Variants in STON2 observed in about 807,000 individuals in gnomAD.
STON2 encodes the protein stonin-2.
In STON2, 29 loss-of-function variants were observed where a neutral mutation model predicts 65.7. That is an observed-to-expected ratio of 0.44 (90% confidence interval 0.33 to 0.60). The LOEUF (loss-of-function observed/expected upper bound fraction) is 0.60. STON2 is among the 20% of genes least tolerant of loss of function. The pLI, the probability that STON2 is intolerant of heterozygous loss-of-function variation, is 0.03. For missense variants in STON2, 1,054 were observed against 1,118.1 expected (o/e 0.94, Z 0.82); for synonymous variants, 404 against 414.2 (o/e 0.98, Z 0.30).
chr14:81,379,971 C>T (rs1442326324), intron 3 of STON2, among the ~76,000 whole-genome samples: 1 of 152,146 alleles, frequency 6.6e-6, no homozygotes, highest in African/African-American at 2.4e-5. Context: ...AAAGCAATTT[C>T]AGTAAAAACA....
In STON2 at chr14:81,318,638, G is replaced by A. The variant is rs1416964539; in HGVS notation, c.742+5379C>T. 2.6e-5 allele frequency among the ~76,000 whole-genome samples: 4 copies of A among 152,194 alleles called. No homozygotes were observed. The East Asian group carries it at 7.7e-4, about 29-fold the overall frequency. On this transcript the variant is annotated intron_variant, in intron 5 of 7. Transcript: ENST00000614646. The stretch of plus-strand genomic sequence containing the variant: ...GGCTGAGGCGGGCAGATCACTTGAG[G>A]TCAGGAGTTTGAGACCAGCCTGGTC...
chr14:81,273,073 T>G (rs1037596110), intron 6 of STON2, among the ~76,000 whole-genome samples: 1 of 152,254 alleles, frequency 6.6e-6, no homozygotes. Flanking sequence ...CTTGGACAAC[T>G]CTTTTAATCT....
chr14:81,333,915 G>C (rs551256388), intron 4 of STON2, among the ~76,000 whole-genome samples: 40 of 152,296 alleles, frequency 2.6e-4, no homozygotes, highest in African/African-American at 8.9e-4. Flanking sequence ...ATTTACATTT[G>C]TACACCTGTT....
chr14:81,433,255 G>C (rs1206490116), intron 1 of STON2, among the ~76,000 whole-genome samples: 3 of 152,248 alleles, frequency 2.0e-5, no homozygotes, highest in African/African-American at 4.8e-5. Flanking sequence ...TCATGTAACA[G>C]ATGGTGAGAG....
chr14:81,268,163 A>G lies in STON2; in HGVS notation c.*251T>C, dbSNP rs1894428902. On this transcript the variant is annotated 3_prime_UTR_variant, in exon 8 of 8. Coordinates refer to ENST00000614646, the MANE Select transcript of STON2 (RefSeq NM_001394390.1). ...GAGGCTTAATTATACAGTAAGCTCCAACAGTCAGGTGAACCTCGTGCTTTA... is the reference window on the plus strand; with the variant it reads ...GAGGCTTAATTATACAGTAAGCTCCGACAGTCAGGTGAACCTCGTGCTTTA... The G allele has an allele frequency of 1.3e-5, 15 of 1,111,520 alleles. No individual in the cohort carries two copies. The highest frequency in any genetic ancestry group is 1.5e-5 in the Non-Finnish European group (14 of 903,776). 68.9% of individuals were successfully genotyped at this position (1,111,520 alleles called of 1,614,324 possible).
intron 2 of STON2, among the ~76,000 whole-genome samples, chr14:81,417,054 T>C (rs981810070): frequency 7.2e-5 from 11 of 152,188 alleles, no homozygotes; most frequent in African/African-American, 2.7e-4. Context: ...CCTTCCTCTT[T>C]TGTAAAAATC....
In STON2 at chr14:81,277,121, G is replaced by A; in HGVS notation, c.2361C>T (p.Ile787=). ...CCCACTCACTGGGCACAGGGTAACGGATCATCACATTCTCACAGGGAACCT... is the reference window on the plus strand; with the variant it reads ...CCCACTCACTGGGCACAGGGTAACGAATCATCACATTCTCACAGGGAACCT... ...LTQVPCENVM[I]RYPVPSEWVK... is the part of the protein sequence containing the mutation. The change falls in exon 6 of 8, where the codon ATC becomes ATT. Residue 787 remains isoleucine (I), a synonymous_variant. Coordinates refer to ENST00000614646, the MANE Select transcript of STON2 (RefSeq NM_001394390.1). The A allele has an allele frequency of 6.2e-7, 1 of 1,614,192 alleles. No individual in the cohort carries two copies. The highest frequency in any genetic ancestry group is 8.5e-7 in the Non-Finnish European group (1 of 1,180,046).
chr14:81,383,983 C>A (rs753176445), intron 3 of STON2, among the ~76,000 whole-genome samples: 1 of 152,162 alleles, frequency 6.6e-6, no homozygotes, highest in South Asian at 2.1e-4. Context: ...CACTCTACTC[C>A]GGTCACACAC....
At chr14:81,273,159 T>G (rs1894666367) in intron 6 of STON2, among the ~76,000 whole-genome samples, 1 of 152,222 alleles carries the variant, frequency 6.6e-6, no homozygotes, top group Non-Finnish European at 1.5e-5. Context: ...CTCCTTTTAC[T>G]CCACCAAAGT....
chr14:81,347,902 CAA>C (rs755109204), intron 4 of STON2, among the ~76,000 whole-genome samples: 12 of 51,562 alleles, frequency 2.3e-4, no homozygotes, highest in South Asian at 9.7e-4. Context: ...TGTCTCTTAC[CAA>C]AAAAAAAAAA....
At chr14:81,435,071 G>A (rs1227887523) in intron 1 of STON2, among the ~76,000 whole-genome samples, 1 of 152,120 alleles carries the variant, frequency 6.6e-6, no homozygotes, top group Non-Finnish European at 1.5e-5. Flanking sequence ...ACTGAAAGGT[G>A]AACACTTAAC....
intron 4 of STON2, among the ~76,000 whole-genome samples, chr14:81,364,774 G>A (rs1027583795): frequency 6.6e-6 from 1 of 152,118 alleles, no homozygotes; most frequent in African/African-American, 2.4e-5. Flanking sequence ...GATCTTTTTG[G>A]CCTCTTGCAT....
chr14:81,301,593 A>G (rs1010197782), intron 5 of STON2, among the ~76,000 whole-genome samples: 3 of 152,226 alleles, frequency 2.0e-5, no homozygotes, highest in African/African-American at 7.2e-5. Context: ...TGGGTGATAT[A>G]CTAGCAGAGA....
upstream of STON2, among the ~76,000 whole-genome samples, chr14:81,401,716 A>G (rs964996919): frequency 5.9e-5 from 9 of 152,224 alleles, no homozygotes; most frequent in Admixed American, 2.0e-4. Flanking sequence ...GTTTCATTGA[A>G]GTCTTGGAGT....
intron 2 of STON2, among the ~76,000 whole-genome samples, chr14:81,420,679 T>C (rs1484495868): frequency 6.6e-6 from 1 of 152,084 alleles, no homozygotes; most frequent in Admixed American, 6.5e-5. Flanking sequence ...GAAAGATGAA[T>C]AGAAATTAGT....
intron 3 of STON2, among the ~76,000 whole-genome samples, chr14:81,390,779 TCTC>T (rs1407100201): frequency 1.3e-5 from 2 of 152,176 alleles, no homozygotes; most frequent in Non-Finnish European, 2.9e-5. Flanking sequence ...AGTAATTTAT[TCTC>T]TCACAGTTCT....
At chr14:81,429,366 G>T (rs1902131659) in intron 1 of STON2, among the ~76,000 whole-genome samples, 1 of 152,224 alleles carries the variant, frequency 6.6e-6, no homozygotes, top group South Asian at 2.1e-4. Context: ...TGCAAGTGGA[G>T]TAGGACCAAC....
At chr14:81,333,627 C>T (rs1897281345) in intron 4 of STON2, among the ~76,000 whole-genome samples, 1 of 152,166 alleles carries the variant, frequency 6.6e-6, no homozygotes, top group Non-Finnish European at 1.5e-5. Flanking sequence ...GAATGAACTT[C>T]CTCTCTAGAC....
chr14:81,270,939 G>A (rs1204221900), intron 6 of STON2, 67 bp from the exon 7 acceptor site: 12 of 1,559,670 alleles, frequency 7.7e-6, no homozygotes, highest in Non-Finnish European at 9.5e-6. Flanking sequence ...AGCCAAAGGA[G>A]CCACTTTGGT....
Sources: allele counts gnomAD v4.1 joint callset (sites outside exome capture counted in the v4.1 genomes callset), GRCh38; gene constraint gnomAD v4.1.1; transcripts MANE v1.5; gene names NCBI Gene and HGNC (gene_info 2026-07-23, HGNC 2026-07-21).